ZBTB20: variants seen among roughly 807,000 people sequenced by gnomAD.
ZBTB20 encodes the protein zinc finger and BTB domain-containing protein 20.
ZBTB20 carries 9 observed loss-of-function variants against 56.9 expected under a neutral mutation model. The ratio of observed to expected loss-of-function variants is 0.16; its 90% CI spans 0.10 to 0.28. The LOEUF is 0.28. Ranked by LOEUF, ZBTB20 falls within the 10% of genes least tolerant of loss-of-function variation. The pLI is 1.00. For missense variants in ZBTB20, 655 were observed against 1,003.0 expected, an observed-to-expected ratio of 0.65 and a Z score of 4.69; for synonymous variants, 417 against 420.7, an observed-to-expected ratio of 0.99 and a Z score of 0.11.
In ZBTB20 at chr3:114,338,863, C is replaced by A; in HGVS notation, c.*142G>T. ...GCAAAAAACAGTTCTTCATGTAGTA[C>A]AAAATGAAACGAAACAAAAACAAAA... On this transcript the variant is annotated 3_prime_UTR_variant, in exon 12 of 12. Transcript: ENST00000675478. 1 of 1,014,954 alleles carries A rather than the reference C, an allele frequency of 9.9e-7. No homozygotes were observed. The highest frequency in any genetic ancestry group is 1.4e-6 in the Non-Finnish European group (1 of 728,988). The allele number at this position is 1,014,954 out of a possible 1,614,324, so 62.9% of individuals were successfully genotyped here.
chr3:114,707,917 C>G (rs753832800), intron 5 of ZBTB20, among the ~76,000 whole-genome samples: 1 of 152,050 alleles, frequency 6.6e-6, no homozygotes, highest in African/African-American at 2.4e-5. Context: ...TCCTAGAAGC[C>G]CACTATTTAT....
At chr3:114,852,554 C>T (rs1297916291) in intron 4 of ZBTB20, among the ~76,000 whole-genome samples, 1 of 152,096 alleles carries the variant, frequency 6.6e-6, no homozygotes, top group African/African-American at 2.4e-5. Context: ...GTGAGCCACA[C>T]CGTACCTGGC....
chr3:114,921,466 A>C (rs538533995), intron 3 of ZBTB20, among the ~76,000 whole-genome samples: 71 of 152,176 alleles, frequency 4.7e-4, no homozygotes, highest in African/African-American at 1.6e-3. Context: ...CAAGCTTTAA[A>C]AAATTAATGC....
chr3:115,040,752 C>A (rs73859707), intron 2 of ZBTB20, among the ~76,000 whole-genome samples: 22 of 151,990 alleles, frequency 1.4e-4, no homozygotes. Context: ...GCATTTTAGA[C>A]AATATATGTG....
chr3:114,504,159 G>A (rs1049028226), intron 6 of ZBTB20, among the ~76,000 whole-genome samples: 3 of 152,160 alleles, frequency 2.0e-5, no homozygotes, highest in African/African-American at 7.2e-5. Context: ...AAGGGTATGT[G>A]GTTAGAGCCA....
At chr3:114,922,811 G>A (rs1235218173) in intron 3 of ZBTB20, among the ~76,000 whole-genome samples, 1 of 19,704 alleles carries the variant, frequency 5.1e-5, no homozygotes, top group Non-Finnish European at 1.0e-4. Context: ...AATAGAGAAA[G>A]AAATCACTCA....
At chr3:114,448,823 T>A (rs970862472) in intron 7 of ZBTB20, among the ~76,000 whole-genome samples, 1 of 152,132 alleles carries the variant, frequency 6.6e-6, no homozygotes, top group Non-Finnish European at 1.5e-5. Context: ...AATTTTTTAT[T>A]ACAGAAAAAT....
chr3:114,977,334 A>T (rs1301377993), intron 2 of ZBTB20, among the ~76,000 whole-genome samples: 1 of 152,246 alleles, frequency 6.6e-6, no homozygotes, highest in Non-Finnish European at 1.5e-5. Flanking sequence ...CTAGCTCAAA[A>T]CAATAACAAC....
At chr3:114,951,688 T>C (rs2077071733) in intron 3 of ZBTB20, among the ~76,000 whole-genome samples, 1 of 152,052 alleles carries the variant, frequency 6.6e-6, no homozygotes, top group African/African-American at 2.4e-5. Flanking sequence ...CTCCATAGAA[T>C]TTCAATATGA....
intron 5 of ZBTB20, among the ~76,000 whole-genome samples, chr3:114,732,261 CTA>C (rs985351653): frequency 1.3e-5 from 2 of 152,124 alleles, no homozygotes; most frequent in African/African-American, 4.8e-5. Context: ...TAGTAATTGA[CTA>C]TCTCATTGAC....
intron 4 of ZBTB20, among the ~76,000 whole-genome samples, chr3:114,893,644 C>T (rs2074729577): frequency 6.6e-6 from 1 of 151,922 alleles, no homozygotes; most frequent in Non-Finnish European, 1.5e-5. Context: ...ACTCCATCCC[C>T]TTTTGATGTT....
At chr3:114,928,510 A>T (rs1329796558) in intron 3 of ZBTB20, among the ~76,000 whole-genome samples, 1 of 152,232 alleles carries the variant, frequency 6.6e-6, no homozygotes, top group Non-Finnish European at 1.5e-5. Flanking sequence ...CTAAAAAATA[A>T]ATTTGGCAAA....
At chr3:114,646,134 C>A (rs909829437) in intron 6 of ZBTB20, among the ~76,000 whole-genome samples, 6 of 123,186 alleles carry the variant, frequency 4.9e-5, no homozygotes, top group African/African-American at 2.5e-4. Context: ...TTTTATAAAA[C>A]CTCTACAGAA....
intron 6 of ZBTB20, among the ~76,000 whole-genome samples, chr3:114,508,814 C>T (rs1408057649): frequency 6.6e-6 from 1 of 152,100 alleles, no homozygotes; most frequent in Non-Finnish European, 1.5e-5. Context: ...TCATAGCTGA[C>T]TAGTTATAGG....
intron 4 of ZBTB20, among the ~76,000 whole-genome samples, chr3:114,815,695 C>G (rs1397435789): frequency 4.0e-5 from 6 of 151,896 alleles, no homozygotes. Flanking sequence ...TGGTTTTATT[C>G]AATCATGTCA....
At chr3:115,118,787 C>G (rs1363650695) in intron 1 of ZBTB20, among the ~76,000 whole-genome samples, 2 of 131,966 alleles carry the variant, frequency 1.5e-5, no homozygotes, top group African/African-American at 2.9e-5. Flanking sequence ...GTGGCGCGAT[C>G]TCCACTCACT....
intron 6 of ZBTB20, among the ~76,000 whole-genome samples, chr3:114,642,914 C>G (rs939800681): frequency 2.0e-5 from 3 of 151,992 alleles, no homozygotes; most frequent in African/African-American, 7.2e-5. Flanking sequence ...GAAGAATACA[C>G]AGGATGCAGT....
intron 5 of ZBTB20, among the ~76,000 whole-genome samples, chr3:114,710,588 C>G (rs1031083535): frequency 6.6e-6 from 1 of 152,188 alleles, no homozygotes; most frequent in Non-Finnish European, 1.5e-5. Flanking sequence ...CACCTGATGT[C>G]TCTCTCATGT....
intron 6 of ZBTB20, among the ~76,000 whole-genome samples, chr3:114,566,399 G>A (rs1234372624): frequency 6.6e-6 from 1 of 152,130 alleles, no homozygotes; most frequent in African/African-American, 2.4e-5. Context: ...AGAGGTGGGT[G>A]GTTCCTTTAT....
Sources: gnomAD v4.1 joint callset for allele counts (sites outside exome capture counted in the v4.1 genomes callset) on GRCh38, gnomAD v4.1.1 for gene constraint, MANE v1.5 for transcripts, NCBI Gene and HGNC (gene_info 2026-07-23, HGNC 2026-07-21) for gene names.